Variants in LRP11 observed in about 807,000 individuals in gnomAD.
LRP11 encodes LDL receptor related protein 11.
LRP11 carries 25 observed loss-of-function variants against 43.1 expected under a neutral mutation model. The observed-to-expected ratio is 0.58, with a 90% confidence interval of 0.42 to 0.81. The LOEUF is 0.81. LRP11 is among the 30% of genes least tolerant of loss of function. The pLI, the probability that LRP11 is intolerant of heterozygous loss-of-function variation, is 0.00. For synonymous variants in LRP11, 316 were observed against 299.4 expected, an observed-to-expected ratio of 1.06 and a Z score of -0.57; for missense variants, 623 against 665.1, an observed-to-expected ratio of 0.94 and a Z score of 0.70.
At chr6:149,835,769 G>C (rs1006447890) in intron 5 of LRP11, among the ~76,000 whole-genome samples, 10 of 152,050 alleles carry the variant, frequency 6.6e-5, no homozygotes, top group Non-Finnish European at 1.5e-4. Context: ...AATACATAAT[G>C]GTTATGCTGT....
intron 2 of LRP11, among the ~76,000 whole-genome samples, chr6:149,847,017 A>AGAATAGAAT (rs1562443374): frequency 6.6e-6 from 1 of 150,890 alleles, no homozygotes. Context: ...AGAATAGAAT[A>AGAATAGAAT]AACCAAGGAA....
chr6:149,857,795 T>C (rs966337142), intron 1 of LRP11, among the ~76,000 whole-genome samples: 1 of 152,218 alleles, frequency 6.6e-6, no homozygotes, highest in Non-Finnish European at 1.5e-5. Context: ...TGAATTAAAC[T>C]CTTTCTCTAT....
rs759921630 is a variant in LRP11, at chr6:149,863,745, C to G, written c.276G>C (p.Pro92=). The G allele has an allele frequency of 1.1e-5, 16 of 1,477,806 alleles. No homozygotes were observed. The highest frequency in any genetic ancestry group is 1.3e-5 in the Non-Finnish European group (15 of 1,121,094). 91.5% of individuals were successfully genotyped at this position (1,477,806 alleles called of 1,614,324 possible). Residue 92 remains proline, a synonymous_variant, in exon 1 of 7, where the codon CCG becomes CCC. Transcript: ENST00000239367. ...GGGPQEDCPG[P]GSGGYSAMPD... ...GCATTGCGCTGTAGCCGCCGCTGCCCGGGCCCGGGCAGTCCTCCTGGGGGC... is the reference window on the plus strand; with the variant it reads ...GCATTGCGCTGTAGCCGCCGCTGCCGGGGCCCGGGCAGTCCTCCTGGGGGC...
intron 5 of LRP11, among the ~76,000 whole-genome samples, chr6:149,833,270 TA>T (rs1776432724): frequency 6.6e-6 from 1 of 152,190 alleles, no homozygotes; most frequent in African/African-American, 2.4e-5. Flanking sequence ...TATGGGTCTT[TA>T]ACTTACATGA....
At chr6:149,834,406 A>C (rs1161370698) in intron 5 of LRP11, among the ~76,000 whole-genome samples, 4 of 152,216 alleles carry the variant, frequency 2.6e-5, no homozygotes, top group African/African-American at 9.7e-5. Context: ...GACTTATTCA[A>C]GGTTCTAAAG....
chr6:149,845,211 T>C (rs1776614341), intron 2 of LRP11, among the ~76,000 whole-genome samples: 3 of 152,350 alleles, frequency 2.0e-5, no homozygotes, highest in Middle Eastern at 6.8e-3. Flanking sequence ...AGGTAACTCA[T>C]GTAAAAGAGC....
rs139028472 is a variant in LRP11 at position 149,836,092 on chromosome 6, C to T, written c.1245G>A (p.Val415=). 53 of 1,614,022 alleles carry T rather than the reference C, an allele frequency of 3.3e-5. No homozygotes were observed. The African/African-American group carries it at 5.6e-4, about 17-fold the overall frequency. ...CCCACCGTGAATCCTTACCTGGCATCACAGGAATGATTTGACTCTCTGGTC... is the reference window on the plus strand; with the variant it reads ...CCCACCGTGAATCCTTACCTGGCATTACAGGAATGATTTGACTCTCTGGTC... ...FWGPESQIIP[V]MPDSSSSGKN... The change falls in exon 5 of 7, where the codon GTG becomes GTA. Residue 415 remains valine (V), a synonymous_variant. Transcript: ENST00000239367.
Position 149,839,346 on chromosome 6 carries a change from G to A in LRP11, c.914-1883C>T, listed in dbSNP as rs114649953. 4.7e-3 allele frequency among the ~76,000 whole-genome samples: 712 copies of A among 152,238 alleles called. 4 individuals are homozygous for A. The highest frequency in any genetic ancestry group is 0.016 in the African/African-American group (668 of 41,548). ...AGAAGCTCCTGCGGAAGAAGAGGAA[G>A]CAAAGAGCCTGCAGTTATGACTGAG... On this transcript the variant is annotated intron_variant, in intron 3 of 6. Transcript: ENST00000239367.
chr6:149,856,541 T>C (rs1776801800), intron 1 of LRP11, among the ~76,000 whole-genome samples: 1 of 152,198 alleles, frequency 6.6e-6, no homozygotes, highest in Admixed American at 6.5e-5. Flanking sequence ...CATTTTAAAA[T>C]GTGTGACTTG....
intron 1 of LRP11, among the ~76,000 whole-genome samples, chr6:149,862,168 A>G (rs1583101128): frequency 6.6e-6 from 1 of 152,148 alleles, no homozygotes; most frequent in South Asian, 2.1e-4. Context: ...TGACCCTTTG[A>G]TATCTGCTCC....
rs76024361 is a variant in LRP11, at chr6:149,829,653, G to A, written c.1253-3294C>T. Reference sequence around the variant, plus strand: ...AAAGTGCCAAAATTCACCAACTCCCGATTTTTTTCAGAGGACTAACTGGTT... The same window carrying A: ...AAAGTGCCAAAATTCACCAACTCCCAATTTTTTTCAGAGGACTAACTGGTT... On this transcript the variant is annotated intron_variant, in intron 5 of 6. Coordinates refer to ENST00000239367, the MANE Select transcript of LRP11 (RefSeq NM_032832.6). Among the ~76,000 whole-genome samples, 536 of 152,048 alleles carry A rather than the reference G, an allele frequency of 3.5e-3. 3 individuals are homozygous for A. The highest frequency in any genetic ancestry group is 0.012 in the African/African-American group (507 of 41,506).
Position 149,826,259 on chromosome 6 carries a change from T to G in LRP11, c.1348+5A>C. 1.2e-6 allele frequency: 2 copies of G among 1,607,750 alleles called. No homozygotes were observed. The highest frequency in any genetic ancestry group is 2.2e-5 in the South Asian group (2 of 90,972). On this transcript the variant is annotated splice_donor_5th_base_variant and intron_variant, in intron 6 of 6. Transcript: ENST00000239367. ...CTGCAAAGGGTTTCCAAGGTGGACA[T>G]TTACCTGTTTCTGGGGCTGGGTGTT...
At chr6:149,837,506 A>T in intron 3 of LRP11, 43 bp from the exon 4 acceptor site, 1 of 1,598,788 alleles carries the variant, frequency 6.3e-7, no homozygotes, top group Non-Finnish European at 8.5e-7. Context: ...GCAGAAGTTC[A>T]GACTCTCAAG....
At chr6:149,835,960 A>G in intron 5 of LRP11, 125 bp downstream of exon 5, 1 of 904,538 alleles carries the variant, frequency 1.1e-6, no homozygotes, top group Non-Finnish European at 1.7e-6. Context: ...TTCTGGCCAA[A>G]TTCTTAATTT....
intron 1 of LRP11, among the ~76,000 whole-genome samples, chr6:149,859,396 A>ATATATATATATATAT: frequency 2.8e-5 from 2 of 71,496 alleles, no homozygotes; most frequent in East Asian, 8.8e-4. Context: ...ATATATATAT[A>ATATATATATATATAT]TTTTTTTTTT....
chr6:149,859,396 A>ATATATATTTTTTTTTTTTTTTTTTTT, intron 1 of LRP11, among the ~76,000 whole-genome samples: 1 of 71,494 alleles, frequency 1.4e-5, no homozygotes, highest in African/African-American at 8.2e-5. Flanking sequence ...ATATATATAT[A>ATATATATTTTTTTTTTTTTTTTTTTT]TTTTTTTTTT....
At chr6:149,837,854 G>A (rs2115385810) in intron 3 of LRP11, among the ~76,000 whole-genome samples, 1 of 152,262 alleles carries the variant, frequency 6.6e-6, no homozygotes, top group South Asian at 2.1e-4. Flanking sequence ...CTGCAGGAGG[G>A]CACCTAATAC....
At chr6:149,859,393 TA>T (rs1483927092) in intron 1 of LRP11, among the ~76,000 whole-genome samples, 7 of 94,804 alleles carry the variant, frequency 7.4e-5, no homozygotes, top group East Asian at 6.5e-4. Context: ...TATATATATA[TA>T]TATTTTTTTT....
chr6:149,848,332 A>G (rs539678599), intron 2 of LRP11, among the ~76,000 whole-genome samples: 2 of 152,306 alleles, frequency 1.3e-5, no homozygotes, highest in Admixed American at 6.5e-5. Flanking sequence ...CAATTCCTCA[A>G]ATAACTAAAA....
Sources: allele counts gnomAD v4.1 joint callset (sites outside exome capture counted in the v4.1 genomes callset), GRCh38; gene constraint gnomAD v4.1.1; transcripts MANE v1.5; gene names NCBI Gene and HGNC (gene_info 2026-07-23, HGNC 2026-07-21).